Variants in HOXC4 observed in about 807,000 individuals in gnomAD.
The protein encoded by HOXC4 is homeobox C4, also known as homeobox protein Hox-C4.
A neutral mutation model predicts 25.5 loss-of-function variants in HOXC4; 15 were observed. That is an observed-to-expected ratio of 0.59 (90% CI 0.39 to 0.91). The LOEUF is 0.91. Among genes scored for constraint, HOXC4 ranks in the 40% least tolerant of loss-of-function variants. HOXC4 has a pLI of 0.00. For missense variants in HOXC4, 342 were observed against 352.4 expected, an observed-to-expected ratio of 0.97 and a Z score of 0.24; for synonymous variants, 165 against 148.0, an observed-to-expected ratio of 1.11 and a Z score of -0.83.
At chr12:54,052,230 G>T (rs746390827), upstream of HOXC4, among the ~76,000 whole-genome samples, 1 of 152,178 alleles carries the variant, frequency 6.6e-6, no homozygotes, top group Non-Finnish European at 1.5e-5. Context: ...GCCCTGCGCC[G>T]CCGCCGACAC....
At chr12:54,017,702 C>T (rs1257521502) in intron 1 of HOXC4, among the ~76,000 whole-genome samples, 1 of 152,050 alleles carries the variant, frequency 6.6e-6, no homozygotes, top group Non-Finnish European at 1.5e-5. Flanking sequence ...CGGTCTAGGG[C>T]GCCAGCTCTC....
At chr12:54,036,892 G>A (rs1592241211) in intron 1 of HOXC4, among the ~76,000 whole-genome samples, 2 of 152,076 alleles carry the variant, frequency 1.3e-5, no homozygotes, top group African/African-American at 4.8e-5. Flanking sequence ...TCCTCCCCAG[G>A]GGACAGGCGC....
chr12:54,050,045 C>T (rs1937809533), upstream of HOXC4, among the ~76,000 whole-genome samples: 2 of 152,062 alleles, frequency 1.3e-5, no homozygotes, highest in South Asian at 4.1e-4. Flanking sequence ...TTCCCTTTGC[C>T]CTCCAAATCC....
At chr12:54,038,300 C>T (rs537984006) in intron 1 of HOXC4, among the ~76,000 whole-genome samples, 2 of 152,292 alleles carry the variant, frequency 1.3e-5, no homozygotes, top group East Asian at 1.9e-4. Flanking sequence ...GCCAGGTCTT[C>T]CTGACCCTTT....
chr12:54,018,219 A>G (rs1024988262), intron 1 of HOXC4, among the ~76,000 whole-genome samples: 4 of 152,170 alleles, frequency 2.6e-5, no homozygotes, highest in African/African-American at 9.7e-5. Context: ...AAAGAGGCCT[A>G]CCGGCTTTCC....
upstream of HOXC4, among the ~76,000 whole-genome samples, chr12:54,050,426 A>T (rs1244824570): frequency 6.6e-6 from 1 of 152,220 alleles, no homozygotes; most frequent in Non-Finnish European, 1.5e-5. Context: ...GGGCAAAGTG[A>T]GGTTGAGGAC....
chr12:54,033,551 G>T (rs1281967216), intron 1 of HOXC4: 4 of 1,595,860 alleles, frequency 2.5e-6, no homozygotes, highest in Non-Finnish European at 3.4e-6. Flanking sequence ...TTTACCCGTG[G>T]ATGACCAAAC....
At chr12:54,034,027 C>A in intron 1 of HOXC4, 1 of 686,608 alleles carries the variant, frequency 1.5e-6, no homozygotes, top group East Asian at 2.9e-5. Context: ...CTGGGTCTCC[C>A]TCTTCCCCCC....
intron 1 of HOXC4, among the ~76,000 whole-genome samples, chr12:54,047,023 G>A (rs894583207): frequency 1.3e-5 from 2 of 152,236 alleles, no homozygotes; most frequent in African/African-American, 2.4e-5. Context: ...GGTCCCTCTC[G>A]CGCTGACTGG....
At chr12:54,034,211 G>C (rs1456527590) in intron 1 of HOXC4, 1 of 1,421,670 alleles carries the variant, frequency 7.0e-7, no homozygotes, top group Non-Finnish European at 9.9e-7. Context: ...CCTGGGCTGG[G>C]GTGGGGACGG....
chr12:54,046,279 G>A (rs1477604899), intron 1 of HOXC4, among the ~76,000 whole-genome samples: 1 of 152,130 alleles, frequency 6.6e-6, no homozygotes, highest in African/African-American at 2.4e-5. Context: ...GATTTTTTCT[G>A]TCCAACTCCT....
At chr12:54,019,244 C>T (rs1390141908) in intron 1 of HOXC4, among the ~76,000 whole-genome samples, 1 of 132,024 alleles carries the variant, frequency 7.6e-6, no homozygotes, top group Non-Finnish European at 1.6e-5. Flanking sequence ...TTTCGCTTTC[C>T]TTGTTTACGA....
chr12:54,033,600 C>A, intron 1 of HOXC4: 3 of 1,513,622 alleles, frequency 2.0e-6, no homozygotes, highest in Non-Finnish European at 2.7e-6. Context: ...CTTCATTTTG[C>A]GCTCTCGGGT....
At chr12:54,051,218 C>G (rs1335385805), upstream of HOXC4, among the ~76,000 whole-genome samples, 1 of 151,998 alleles carries the variant, frequency 6.6e-6, no homozygotes, top group South Asian at 2.1e-4. Flanking sequence ...AGGTACAGGC[C>G]TAGAAGGGAG....
chr12:54,034,501 G>C (rs751624231), intron 1 of HOXC4: 12 of 1,610,150 alleles, frequency 7.5e-6, no homozygotes, highest in Non-Finnish European at 9.3e-6. Context: ...AGAGGCAGCG[G>C]GGGAGGCCCG....
chr12:54,034,529 C>T (rs371365110), intron 1 of HOXC4: 3 of 1,542,692 alleles, frequency 1.9e-6, no homozygotes, highest in East Asian at 4.5e-5. Context: ...CGCCCCTAGC[C>T]GGTTCCTGTC....
intron 1 of HOXC4, among the ~76,000 whole-genome samples, chr12:54,043,722 C>CA (rs1306128525): frequency 6.6e-6 from 1 of 152,090 alleles, no homozygotes; most frequent in African/African-American, 2.4e-5. Flanking sequence ...TGTGTTGGCC[C>CA]AGATTGAGTT....
rs778375683 is a variant in HOXC4, at chr12:54,033,405, AACCCCGGGATGT to A, written c.-124+15994_-124+16005del. 2.0e-5 allele frequency: 33 copies of A among 1,611,224 alleles called. 1 individual carries two copies. The East Asian group carries it at 6.5e-4, about 32-fold the overall frequency. ...GGGCAGAGACGAAGCGGCTCCTCTG[AACCCCGGGATGT>A]ACAGTCAGAAGGCGGCTCGCCCGGC... On this transcript the variant is annotated intron_variant, in intron 1 of 3. Transcript: ENST00000303406.
In HOXC4 at chr12:54,034,476, G is replaced by A. The variant is rs765585861; in HGVS notation, c.-124+17062G>A. 18 of 1,613,922 alleles carry A rather than the reference G, an allele frequency of 1.1e-5. No homozygotes were observed. Among genetic ancestry groups the A allele is most frequent in the African/African-American group, 6.7e-5 (5 of 74,950 alleles). ...TGGAAGAAAGATTCCAAAATGAAAA[G>A]CAAAGAGGCTCTTTAGAGGCAGCGG... On this transcript the variant is annotated intron_variant, in intron 1 of 3. Transcript: ENST00000303406.
Sources: allele counts gnomAD v4.1 joint callset (sites outside exome capture counted in the v4.1 genomes callset), GRCh38; gene constraint gnomAD v4.1.1; transcripts MANE v1.5; gene names NCBI Gene and HGNC (gene_info 2026-07-23, HGNC 2026-07-21).